Variants in SHANK2 observed in about 807,000 individuals in gnomAD.
SHANK2 encodes the protein SH3 and multiple ankyrin repeat domains protein 2.
In SHANK2, 43 loss-of-function variants were observed where a neutral mutation model predicts 133.7. The observed-to-expected ratio is 0.32, with a 90% CI of 0.25 to 0.41. The LOEUF is 0.41. Ranked by LOEUF, SHANK2 falls within the 10% of genes least tolerant of loss-of-function variation. The probability of loss-of-function intolerance (pLI) is 1.00; values close to 1 mark genes in which losing one functional copy is unlikely to be tolerated. For missense variants in SHANK2, 1,994 were observed against 2,235.8 expected (o/e 0.89, Z 2.18); for synonymous variants, 1,017 against 952.8 (o/e 1.07, Z -1.24).
intron 11 of SHANK2, among the ~76,000 whole-genome samples, chr11:70,821,662 A>G (rs1948525587): frequency 6.6e-6 from 1 of 152,086 alleles, no homozygotes; most frequent in Non-Finnish European, 1.5e-5. Context: ...CGATCTTGTG[A>G]TCCGCCTGCC....
At chr11:70,507,393 C>A (rs782367289) in intron 17 of SHANK2, among the ~76,000 whole-genome samples, 2 of 152,218 alleles carry the variant, frequency 1.3e-5, no homozygotes, top group African/African-American at 2.4e-5. Flanking sequence ...ACGGGAGCCA[C>A]AGGTGACTGG....
intron 3 of SHANK2, among the ~76,000 whole-genome samples, chr11:71,146,407 C>A (rs186427989): frequency 1.5e-3 from 233 of 152,368 alleles, no homozygotes; most frequent in Non-Finnish European, 2.7e-3. Context: ...TGAAGCCACA[C>A]CCCTTCCTCT....
intron 2 of SHANK2, among the ~76,000 whole-genome samples, chr11:71,149,142 G>A (rs1952711386): frequency 6.6e-6 from 1 of 152,174 alleles, no homozygotes; most frequent in Non-Finnish European, 1.5e-5. Context: ...GGGGGCAGAA[G>A]AGGCCACCCC....
rs782422425 is a variant in SHANK2, at chr11:70,485,685, C to G, written c.4608G>C (p.Gly1536=). 6.2e-7 allele frequency: 1 copy of G among 1,614,054 alleles called. No homozygotes were observed. The highest frequency in any genetic ancestry group is 8.5e-7 in the Non-Finnish European group (1 of 1,180,036). The part of the protein sequence containing the change: ...NVDTCTVYAD[G]QAFMVDKPPV... ...GGGGTTTGTCAACCATAAATGCTTG[C>G]CCATCTGCATAGACTGTGCAGGTGT... is the stretch of plus-strand genomic sequence containing the variant. Residue 1536 remains glycine (G), a synonymous_variant, in exon 25 of 26, where the codon GGG becomes GGC. Transcript: ENST00000601538. This position sits in a 1 kb window ranked among gnomAD's most constrained non-coding sequence, Gnocchi z 5.8.
In SHANK2 at chr11:70,492,434, C is replaced by T; in HGVS notation, c.2340G>A (p.Lys780=). Residue 780 remains lysine, a synonymous_variant, in exon 22 of 26, where the codon AAG becomes AAA. Transcript: ENST00000601538. ...CCATGTTCTCAGCAGCGCGGGAGGG[C>T]TTGGAGGCCGGGACTATCTCCTCGG... ...DKPEEIVPAS[K]PSRAAENMAV... is the part of the protein sequence containing the mutation. 6.2e-7 allele frequency: 1 copy of T among 1,614,026 alleles called. No individual in the cohort carries two copies. Among genetic ancestry groups the T allele is most frequent in the Non-Finnish European group, 8.5e-7 (1 of 1,180,046 alleles).
At chr11:70,636,307 A>G (rs568678) in intron 17 of SHANK2, among the ~76,000 whole-genome samples, 63,746 of 151,824 alleles carry the variant, frequency 0.42, 13,769 homozygotes, top group Middle Eastern at 0.49. Context: ...GTGTGAGCAG[A>G]TGTGTGAGCG....
rs1398042864 is a variant in SHANK2 at position 71,092,541 on chromosome 11, G to A, written c.793C>T (p.Leu265Phe). ...ATGGCTGTGTGATACAGCGGGGTGA[G>A]GCCGTAACTGTCTTTATAATCTGGG... ...ASPDYKDSYG[L>F]TPLYHTAIVG... Residue 265 changes from leucine to phenylalanine, a missense_variant, in exon 8 of 26, where the codon CTC (leucine) becomes TTC (phenylalanine). Around this residue, in one of 5 missense-constraint regions of SHANK2, gnomAD observed 653 missense variants for 563.4 expected, o/e 1.16. Transcript: ENST00000601538. 6.4e-7 allele frequency: 1 copy of A among 1,551,868 alleles called. No individual in the cohort carries two copies. Among genetic ancestry groups the A allele is most frequent in the Non-Finnish European group, 8.7e-7 (1 of 1,147,042 alleles).
chr11:70,493,634 T>C (rs1373937242), intron 21 of SHANK2, among the ~76,000 whole-genome samples: 1 of 152,120 alleles, frequency 6.6e-6, no homozygotes, highest in Non-Finnish European at 1.5e-5. Context: ...AGTCGCGATG[T>C]GCATTCTGGA....
At chr11:71,115,855 G>C (rs1288706953) in intron 4 of SHANK2, among the ~76,000 whole-genome samples, 3 of 152,208 alleles carry the variant, frequency 2.0e-5, no homozygotes, top group Non-Finnish European at 4.4e-5. Flanking sequence ...TCCCACTGGA[G>C]TGTAAGGTCC....
intron 14 of SHANK2, among the ~76,000 whole-genome samples, chr11:70,764,443 G>A (rs1376156898): frequency 3.3e-5 from 4 of 120,538 alleles, no homozygotes; most frequent in African/African-American, 1.3e-4. Context: ...ATCCACACAT[G>A]CATCTATCAT....
chr11:71,251,494 C>CCCGGGG (rs1304968381), intron 1 of SHANK2, among the ~76,000 whole-genome samples: 6 of 151,832 alleles, frequency 4.0e-5, no homozygotes, highest in Admixed American at 2.6e-4. Context: ...GCGCCTGGCG[C>CCCGGGG]CCGGGGCCGG....
At position 70,664,951 on chromosome 11, in the gene SHANK2, A is replaced by C. The variant is rs532340459; in HGVS notation, c.1854-3273T>G. On this transcript the variant is annotated intron_variant, in intron 15 of 25. Coordinates refer to ENST00000601538, the MANE Select transcript of SHANK2 (RefSeq NM_012309.5). The stretch of plus-strand genomic sequence containing the variant: ...ATGGGTCCTGAGCTGGAGGCCGTGG[A>C]GTCGTGCATCCATGCCTCAGAACCA... 3.3e-5 allele frequency among the ~76,000 whole-genome samples: 5 copies of C among 152,292 alleles called. No individual in the cohort carries two copies. The East Asian group carries it at 9.7e-4, about 29-fold the overall frequency.
intron 14 of SHANK2, among the ~76,000 whole-genome samples, chr11:70,783,469 GC>G (rs1947558538): frequency 1.3e-5 from 2 of 152,138 alleles, no homozygotes; most frequent in Non-Finnish European, 2.9e-5. Flanking sequence ...TACTCACATG[GC>G]CCAGATACCA....
intron 8 of SHANK2, among the ~76,000 whole-genome samples, chr11:71,085,718 T>C (rs1245304019): frequency 4.5e-5 from 3 of 66,166 alleles, no homozygotes; most frequent in African/African-American, 1.2e-4. Context: ...ATATATATTA[T>C]ATTATATAAA....
chr11:70,714,517 T>G (rs1452348741), intron 14 of SHANK2, among the ~76,000 whole-genome samples: 1 of 152,266 alleles, frequency 6.6e-6, no homozygotes, highest in Non-Finnish European at 1.5e-5. Flanking sequence ...ATGGTATTCC[T>G]CTATAACACA....
intron 14 of SHANK2, among the ~76,000 whole-genome samples, chr11:70,742,190 G>T (rs1417033006): frequency 6.6e-6 from 1 of 152,178 alleles, no homozygotes; most frequent in Non-Finnish European, 1.5e-5. Context: ...CATGGGCCAG[G>T]GAAGCAGACA....
At chr11:71,143,844 C>T (rs1206258048) in intron 3 of SHANK2, among the ~76,000 whole-genome samples, 1 of 152,022 alleles carries the variant, frequency 6.6e-6, no homozygotes, top group Non-Finnish European at 1.5e-5. Context: ...GAACACTGCA[C>T]TTCCTCTGGG....
At chr11:70,783,207 G>T (rs1051756074) in intron 14 of SHANK2, among the ~76,000 whole-genome samples, 5 of 152,180 alleles carry the variant, frequency 3.3e-5, no homozygotes, top group African/African-American at 1.2e-4. Context: ...CCAGATCTCA[G>T]TGTTCTGTTA....
At chr11:70,658,421 C>CG (rs1555012325) in intron 17 of SHANK2, among the ~76,000 whole-genome samples, 1 of 152,180 alleles carries the variant, frequency 6.6e-6, no homozygotes, top group African/African-American at 2.4e-5. Flanking sequence ...CACAAAGCCA[C>CG]AGCGGGCTCC....
Sources: gnomAD v4.1 joint callset for allele counts (sites outside exome capture counted in the v4.1 genomes callset) on GRCh38, gnomAD v4.1.1 for gene constraint, gnomAD v4.1.1 regional missense constraint, Gnocchi (gnomAD v3.1) non-coding constraint, MANE v1.5 for transcripts, NCBI Gene and HGNC (gene_info 2026-07-23, HGNC 2026-07-21) for gene names.